Variants in NSMCE2 observed in about 807,000 individuals in gnomAD.
NSMCE2 encodes the protein E3 SUMO-protein ligase NSE2.
Under a neutral mutation model 23.8 loss-of-function variants are expected in NSMCE2, and 24 were observed. That is an observed-to-expected ratio of 1.01 (90% CI 0.73 to 1.42). NSMCE2 has a LOEUF of 1.42. Among genes scored for constraint, NSMCE2 ranks in the 40% most tolerant of loss-of-function variants. The pLI, the probability that NSMCE2 is intolerant of heterozygous loss-of-function variation, is 0.00. For synonymous variants in NSMCE2, 92 were observed against 94.1 expected (o/e 0.98, Z 0.13); for missense variants, 284 against 296.5 (o/e 0.96, Z 0.31).
intron 5 of NSMCE2, among the ~76,000 whole-genome samples, chr8:125,281,639 C>T (rs1474633567): frequency 2.0e-5 from 3 of 152,078 alleles, no homozygotes; most frequent in Admixed American, 2.0e-4. Flanking sequence ...GGTATTTTGC[C>T]ATGTTGGCCA....
At chr8:125,235,877 T>A (rs181099340) in intron 5 of NSMCE2, among the ~76,000 whole-genome samples, 2 of 152,360 alleles carry the variant, frequency 1.3e-5, no homozygotes, top group Admixed American at 1.3e-4. Context: ...AAAAGATGCT[T>A]GCCTTCTAAT....
chr8:125,252,389 T>C (rs1348837236), intron 5 of NSMCE2, among the ~76,000 whole-genome samples: 8 of 152,132 alleles, frequency 5.3e-5, no homozygotes, highest in Non-Finnish European at 8.8e-5. Context: ...TAGCTGGATG[T>C]GGTGGTGGGT....
At chr8:125,313,661 C>T (rs1274847953) in intron 5 of NSMCE2, among the ~76,000 whole-genome samples, 2 of 152,192 alleles carry the variant, frequency 1.3e-5, no homozygotes, top group Admixed American at 6.5e-5. Context: ...CTTCTACATC[C>T]ACCCTCAGCC....
chr8:125,119,559 A>G (rs1041338190), intron 3 of NSMCE2, among the ~76,000 whole-genome samples: 1 of 152,216 alleles, frequency 6.6e-6, no homozygotes, highest in Non-Finnish European at 1.5e-5. Flanking sequence ...TCACTCAATC[A>G]GATTAAAATT....
intron 5 of NSMCE2, among the ~76,000 whole-genome samples, chr8:125,337,278 C>G (rs899823361): frequency 1.3e-5 from 2 of 152,128 alleles, no homozygotes; most frequent in Admixed American, 6.5e-5. Context: ...GACTTGCAAC[C>G]CTACACCCCC....
At chr8:125,166,648 T>C (rs914338102) in intron 4 of NSMCE2, among the ~76,000 whole-genome samples, 2 of 152,186 alleles carry the variant, frequency 1.3e-5, no homozygotes, top group Non-Finnish European at 2.9e-5. Flanking sequence ...TCTGGTGAAT[T>C]AGTTCTTTGA....
chr8:125,231,122 G>A (rs931462198), intron 5 of NSMCE2, among the ~76,000 whole-genome samples: 2 of 152,120 alleles, frequency 1.3e-5, no homozygotes, highest in African/African-American at 4.8e-5. Flanking sequence ...AAATACTTAG[G>A]ACTGTTAACT....
chr8:125,129,602 G>C (rs549446585), intron 3 of NSMCE2, among the ~76,000 whole-genome samples: 14 of 150,786 alleles, frequency 9.3e-5, no homozygotes, highest in African/African-American at 1.9e-4. Context: ...TTGATATTCT[G>C]AATACTGAGA....
intron 5 of NSMCE2, among the ~76,000 whole-genome samples, chr8:125,289,992 C>T (rs906036766): frequency 6.6e-6 from 1 of 152,138 alleles, no homozygotes; most frequent in East Asian, 1.9e-4. Context: ...GTGTTTTTCA[C>T]GGAGTTTAAA....
In NSMCE2 at chr8:125,267,720, T is replaced by C. The variant is rs914105426; in HGVS notation, c.418+85464T>C. ...TGAGCCCAGGAGGTTGAGGCTGCAG[T>C]GAGCCAAGATCGTGCCACTGCATTC... On this transcript the variant is annotated intron_variant, in intron 5 of 7. Coordinates refer to ENST00000287437, the MANE Select transcript of NSMCE2 (RefSeq NM_173685.4). Among the ~76,000 whole-genome samples the C allele has an allele frequency of 2.6e-5, 4 of 152,190 alleles. No individual in the cohort carries two copies. The East Asian group carries it at 7.7e-4, about 29-fold the overall frequency.
chr8:125,227,359 C>T (rs955006507), intron 5 of NSMCE2, among the ~76,000 whole-genome samples: 4 of 152,176 alleles, frequency 2.6e-5, no homozygotes, highest in African/African-American at 9.7e-5. Flanking sequence ...ACAGCAGTGT[C>T]CCTGACTTGT....
At chr8:125,216,276 C>A (rs537316561) in intron 5 of NSMCE2, among the ~76,000 whole-genome samples, 5 of 152,184 alleles carry the variant, frequency 3.3e-5, no homozygotes, top group Non-Finnish European at 7.3e-5. Flanking sequence ...CATCAGTGTA[C>A]ATGTATCTGT....
intron 5 of NSMCE2, among the ~76,000 whole-genome samples, chr8:125,350,641 CAA>C (rs1349309610): frequency 6.6e-5 from 10 of 152,136 alleles, no homozygotes; most frequent in Admixed American, 2.0e-4. Flanking sequence ...TGCTGGCAGG[CAA>C]AGAGAGAGAG....
chr8:125,217,103 A>G (rs1358063305), intron 5 of NSMCE2, among the ~76,000 whole-genome samples: 1 of 152,212 alleles, frequency 6.6e-6, no homozygotes, highest in Non-Finnish European at 1.5e-5. Context: ...TAAAGATTCC[A>G]TAAGATAAGT....
At chr8:125,307,024 CAG>C (rs1828791118) in intron 5 of NSMCE2, among the ~76,000 whole-genome samples, 1 of 152,202 alleles carries the variant, frequency 6.6e-6, no homozygotes, top group African/African-American at 2.4e-5. Context: ...GTGGATAAAA[CAG>C]TGTGTTAAAA....
chr8:125,130,425 A>G (rs1333382446), intron 3 of NSMCE2: 1 of 302,310 alleles, frequency 3.3e-6, no homozygotes, highest in East Asian at 8.2e-5. Flanking sequence ...TCCACACTCA[A>G]GGGGACATAA....
At chr8:125,347,226 A>T (rs561705809) in intron 5 of NSMCE2, among the ~76,000 whole-genome samples, 5 of 152,324 alleles carry the variant, frequency 3.3e-5, no homozygotes, top group African/African-American at 1.2e-4. Flanking sequence ...GCCCAAGAGC[A>T]CCCTGCTGAT....
intron 5 of NSMCE2, among the ~76,000 whole-genome samples, chr8:125,195,032 T>C (rs931842379): frequency 1.3e-5 from 2 of 152,120 alleles, no homozygotes; most frequent in African/African-American, 4.8e-5. Flanking sequence ...ACCTAGAAAC[T>C]TATTAAAAAT....
At chr8:125,179,680 G>T (rs1037664023) in intron 4 of NSMCE2, among the ~76,000 whole-genome samples, 1 of 152,110 alleles carries the variant, frequency 6.6e-6, no homozygotes, top group African/African-American at 2.4e-5. Context: ...GGTTATGGGG[G>T]GAAAGCACAG....
Sources: gnomAD v4.1 joint callset for allele counts (sites outside exome capture counted in the v4.1 genomes callset) on GRCh38, gnomAD v4.1.1 for gene constraint, MANE v1.5 for transcripts, NCBI Gene and HGNC (gene_info 2026-07-23, HGNC 2026-07-21) for gene names.